SLC5A4: variants seen among roughly 807,000 people sequenced by gnomAD.
SLC5A4 encodes the protein solute carrier family 5 member 4, also known as probable glucose sensor protein SLC5A4.
In SLC5A4, 55 loss-of-function variants were observed where a neutral mutation model predicts 70.3. The observed-to-expected ratio is 0.78, with a 90% CI of 0.63 to 0.98. SLC5A4 has a LOEUF of 0.98. Among genes scored for constraint, SLC5A4 ranks in the 50% least tolerant of loss-of-function variants. The pLI is 0.00. For missense variants in SLC5A4, 735 were observed against 839.2 expected (o/e 0.88, Z 1.53); for synonymous variants, 268 against 305.7 (o/e 0.88, Z 1.29).
At chr22:32,331,343 T>C in the SLC5A4 span, among the ~76,000 whole-genome samples, 1 of 151,874 alleles carries the variant, frequency 6.6e-6, no homozygotes, top group Non-Finnish European at 1.5e-5. Flanking sequence ...TCCAGCAAAA[T>C]GGCAAGAAAA....
chr22:32,354,341 C>T, the SLC5A4 span, among the ~76,000 whole-genome samples: 2 of 151,796 alleles, frequency 1.3e-5, no homozygotes, highest in African/African-American at 4.8e-5. Flanking sequence ...CTAACCCGTC[C>T]CCCACCACAG....
At chr22:32,261,202 G>A in the SLC5A4 span, among the ~76,000 whole-genome samples, 1 of 152,204 alleles carries the variant, frequency 6.6e-6, no homozygotes, top group South Asian at 2.1e-4. Flanking sequence ...GTCAGTGGAG[G>A]GGTCAGCTGC....
the SLC5A4 span, among the ~76,000 whole-genome samples, chr22:32,328,266 G>A: frequency 0.066 from 9,973 of 152,166 alleles, 632 homozygotes; most frequent in East Asian, 0.34. Flanking sequence ...CCCTAAGACA[G>A]CCTCCAAAGA....
chr22:32,280,014 G>GTTGT, the SLC5A4 span, among the ~76,000 whole-genome samples: 2 of 152,172 alleles, frequency 1.3e-5, no homozygotes, highest in Admixed American at 6.5e-5. Flanking sequence ...TTTTGTTGTT[G>GTTGT]TTGTTTGTTT....
the SLC5A4 span, among the ~76,000 whole-genome samples, chr22:32,308,740 G>A: frequency 1.7e-4 from 25 of 150,838 alleles, no homozygotes; most frequent in Non-Finnish European, 2.9e-4. Context: ...CAGCAAGAGG[G>A]ACCAGATCTA....
the SLC5A4 span, among the ~76,000 whole-genome samples, chr22:32,262,881 TG>T: frequency 2.0e-5 from 3 of 152,044 alleles, no homozygotes; most frequent in African/African-American, 7.3e-5. Flanking sequence ...GCCATTCTCC[TG>T]CCTCAGCCTC....
chr22:32,341,319 C>T, the SLC5A4 span, among the ~76,000 whole-genome samples: 4 of 152,060 alleles, frequency 2.6e-5, no homozygotes, highest in African/African-American at 4.8e-5. Flanking sequence ...AGGATGGAGC[C>T]GCAAAGAGGA....
the SLC5A4 span, among the ~76,000 whole-genome samples, chr22:32,317,519 A>G: frequency 2.6e-5 from 4 of 151,964 alleles, no homozygotes; most frequent in Non-Finnish European, 4.4e-5. Context: ...CTGGAGTGCA[A>G]TGGTGCAATC....
the SLC5A4 span, among the ~76,000 whole-genome samples, chr22:32,279,724 A>G: frequency 6.6e-6 from 1 of 152,354 alleles, no homozygotes; most frequent in Non-Finnish European, 1.5e-5. Flanking sequence ...TTGGCAATTA[A>G]GTTTTACATG....
At chr22:32,328,967 G>A in the SLC5A4 span, among the ~76,000 whole-genome samples, 2 of 152,252 alleles carry the variant, frequency 1.3e-5, no homozygotes, top group African/African-American at 4.8e-5. Context: ...GAGCCAGGCT[G>A]CCTGGGAAGG....
At chr22:32,271,833 C>T in the SLC5A4 span, 2 of 609,532 alleles carry the variant, frequency 3.3e-6, no homozygotes, top group Non-Finnish European at 6.4e-6. Flanking sequence ...TCCCCGTGGC[C>T]TGTCAGGAAG....
chr22:32,252,574 G>A (rs1012565651), intron 2 of SLC5A4, among the ~76,000 whole-genome samples: 2 of 152,116 alleles, frequency 1.3e-5, no homozygotes, highest in African/African-American at 4.8e-5. Context: ...TAGACTATAT[G>A]TCTAGAAAAC....
the SLC5A4 span, among the ~76,000 whole-genome samples, chr22:32,324,712 C>T: frequency 2.0e-5 from 3 of 152,192 alleles, no homozygotes; most frequent in East Asian, 5.8e-4. Context: ...CAGCTCTGCC[C>T]CTCACAAGCT....
the SLC5A4 span, among the ~76,000 whole-genome samples, chr22:32,312,893 C>T: frequency 6.6e-6 from 1 of 152,216 alleles, no homozygotes; most frequent in Non-Finnish European, 1.5e-5. Flanking sequence ...ACATTTCTCT[C>T]TGGCCTCAGT....
chr22:32,267,663 C>CAATGTA, the SLC5A4 span, among the ~76,000 whole-genome samples: 2 of 152,064 alleles, frequency 1.3e-5, no homozygotes, highest in African/African-American at 4.8e-5. Context: ...AAGTTCTTAA[C>CAATGTA]AACATCATTT....
At chr22:32,248,921 A>T in intron 3 of SLC5A4, 119 bp from the exon 4 acceptor site, 1 of 684,532 alleles carries the variant, frequency 1.5e-6, no homozygotes. Flanking sequence ...ATCCTGTCCC[A>T]TTCAAACAAC....
At chr22:32,322,211 G>T in the SLC5A4 span, among the ~76,000 whole-genome samples, 15 of 152,152 alleles carry the variant, frequency 9.9e-5, no homozygotes, top group Non-Finnish European at 1.8e-4. Context: ...ATCACACAAG[G>T]CAAGTGAAAA....
the SLC5A4 span, among the ~76,000 whole-genome samples, chr22:32,342,528 A>T: frequency 6.6e-6 from 1 of 152,208 alleles, no homozygotes; most frequent in African/African-American, 2.4e-5. Flanking sequence ...AATAATCTTA[A>T]TAAATTAAAA....
At chr22:32,275,661 A>G in the SLC5A4 span, among the ~76,000 whole-genome samples, 12 of 152,214 alleles carry the variant, frequency 7.9e-5, no homozygotes. Context: ...TATTGTAAAT[A>G]GTGCTGCAAT....
Sources: allele counts gnomAD v4.1 joint callset (sites outside exome capture counted in the v4.1 genomes callset), GRCh38; gene constraint gnomAD v4.1.1; transcripts MANE v1.5; gene names NCBI Gene and HGNC (gene_info 2026-07-23, HGNC 2026-07-21).